CEP164: variants seen among roughly 807,000 people sequenced by gnomAD.
The protein encoded by CEP164 is centrosomal protein of 164 kDa.
CEP164 carries 162 observed loss-of-function variants against 182.7 expected under a neutral mutation model. The ratio of observed to expected loss-of-function variants is 0.89; its 90% confidence interval spans 0.78 to 1.01. The LOEUF (loss-of-function observed/expected upper bound fraction) is 1.01. Ranked by LOEUF, CEP164 falls within the 50% of genes least tolerant of loss-of-function variation. The pLI, the probability that CEP164 is intolerant of heterozygous loss-of-function variation, is 0.00. For missense variants in CEP164, 1,735 were observed against 1,790.4 expected, an observed-to-expected ratio of 0.97 and a Z score of 0.56; for synonymous variants, 661 against 690.0, an observed-to-expected ratio of 0.96 and a Z score of 0.66.
At chr11:117,391,237 C>T (rs1357593673) in intron 17 of CEP164, 22 bp downstream of exon 17, 12 of 1,586,918 alleles carry the variant, frequency 7.6e-6, no homozygotes, top group Non-Finnish European at 1.0e-5. Context: ...AAGTGGGGAC[C>T]TCACCCTCTG....
intron 12 of CEP164, 89 bp from the exon 13 acceptor site, chr11:117,381,612 G>A (rs1405068816): frequency 4.9e-5 from 70 of 1,422,150 alleles, no homozygotes; most frequent in Admixed American, 1.2e-4. Flanking sequence ...AGGAGGCAAT[G>A]ACCTAGGTCC....
intron 27 of CEP164, among the ~76,000 whole-genome samples, chr11:117,398,372 G>A (rs1421216433): frequency 6.6e-6 from 1 of 152,194 alleles, no homozygotes; most frequent in Non-Finnish European, 1.5e-5. Flanking sequence ...TTTTTGAGGT[G>A]CATAGTGCAA....
Position 117,371,368 on chromosome 11 carries a change from G to A in CEP164, c.1054G>A (p.Val352Ile), listed in dbSNP as rs1224263487. 2 of 1,614,240 alleles carry A rather than the reference G, an allele frequency of 1.2e-6. No homozygotes were observed. Among genetic ancestry groups the A allele is most frequent in the South Asian group, 1.1e-5 (1 of 91,084 alleles). ...TGAAAAGGAAGCACCAGAGGACACA[G>A]TAGATGCAGGAGAGGAGGGTTCCAG... ...ASEKEAPEDTVDAGEEGSRRE... is the reference protein window; with the variant it reads ...ASEKEAPEDTIDAGEEGSRRE... Residue 352 changes from valine to isoleucine, a missense_variant, in exon 9 of 33, where the codon GTA becomes ATA. Physicochemically the swap from Val to Ile is conservative, Grantham distance 29. Coordinates refer to ENST00000278935, the MANE Select transcript of CEP164 (RefSeq NM_014956.5).
intron 28 of CEP164, chr11:117,408,517 C>CT (rs1158505578): frequency 3.4e-6 from 1 of 291,046 alleles, no homozygotes; most frequent in Non-Finnish European, 6.6e-6. Context: ...ACTGTTGTCT[C>CT]TGTCTCAGGC....
At chr11:117,322,511 T>G (rs2035282301) in intron 1 of CEP164, among the ~76,000 whole-genome samples, 1 of 152,260 alleles carries the variant, frequency 6.6e-6, no homozygotes, top group East Asian at 1.9e-4. Context: ...TGTTAACCAT[T>G]GTCACCCTAC....
At chr11:117,387,061 G>A (rs955889635) in intron 14 of CEP164, 142 bp from the exon 15 acceptor site, 6 of 735,140 alleles carry the variant, frequency 8.2e-6, no homozygotes, top group Non-Finnish European at 1.4e-5. Context: ...CTCTTGGCCT[G>A]CCCTTGGGTG....
chr11:117,359,688 G>A (rs562025280), intron 5 of CEP164: 111 of 681,528 alleles, frequency 1.6e-4, no homozygotes, highest in Admixed American at 2.5e-4. Flanking sequence ...TTTGAGAAAT[G>A]AATTTTGAAG....
At chr11:117,358,787 G>A (rs2040598204) in intron 5 of CEP164, among the ~76,000 whole-genome samples, 1 of 151,950 alleles carries the variant, frequency 6.6e-6, no homozygotes, top group South Asian at 2.1e-4. Flanking sequence ...CTCCTGCCTT[G>A]GCTTCCGAAA....
At position 117,408,049 on chromosome 11, in the gene CEP164, A is replaced by C. The variant is rs757052268; in HGVS notation, c.3609+17A>C. 1 of 1,547,052 alleles carries C rather than the reference A, an allele frequency of 6.5e-7. No individual in the cohort carries two copies. The highest frequency in any genetic ancestry group is 8.8e-7 in the Non-Finnish European group (1 of 1,137,290). On this transcript the variant is annotated intron_variant, in intron 28 of 32. Transcript: ENST00000278935. ...TGGGAAGAGGTGCAGCCCCATGTCC[A>C]CATAGTCCAGTGGGCCCTGGCCTTC...
chr11:117,339,515 G>GTTTTTTTTTTTT (rs1199425322), intron 3 of CEP164, among the ~76,000 whole-genome samples: 1 of 90,870 alleles, frequency 1.1e-5, no homozygotes, highest in Non-Finnish European at 2.1e-5. Context: ...CTTTTCCTTT[G>GTTTTTTTTTTTT]TTTTTTGTTT....
Position 117,411,368 on chromosome 11 carries a change from G to A in CEP164, c.4164-427G>A, listed in dbSNP as rs889999691. The A allele has an allele frequency of 8.1e-6, 2 of 246,236 alleles. No homozygotes were observed. The highest frequency in any genetic ancestry group is 6.6e-5 in the South Asian group (1 of 15,236). 15.3% of individuals were successfully genotyped at this position (246,236 alleles called of 1,614,324 possible). On this transcript the variant is annotated intron_variant, in intron 31 of 32. Coordinates refer to ENST00000278935, the MANE Select transcript of CEP164 (RefSeq NM_014956.5). The surrounding 1 kb of genome is among the most constrained non-coding windows in gnomAD (Gnocchi z 4.4). ...GACAGACGGGCAATTATTTAAACCT[G>A]TTATTAATTTTCCATTCATCTCATT...
intron 15 of CEP164, among the ~76,000 whole-genome samples, chr11:117,388,245 C>T (rs551233729): frequency 2.0e-5 from 3 of 152,288 alleles, no homozygotes; most frequent in African/African-American, 4.8e-5. Context: ...ATCTCTCTCC[C>T]GAGGCCCCTG....
chr11:117,408,617 T>G, intron 28 of CEP164: 1 of 448,784 alleles, frequency 2.2e-6, no homozygotes, highest in Non-Finnish European at 4.1e-6. Flanking sequence ...CTGGTGGAAC[T>G]CTGGGCCCCA....
intron 3 of CEP164, among the ~76,000 whole-genome samples, chr11:117,340,551 T>C (rs1017583964): frequency 2.0e-5 from 3 of 152,310 alleles, no homozygotes; most frequent in African/African-American, 7.2e-5. Context: ...TATTTTTGTT[T>C]TTAGAGACAG....
At chr11:117,393,211 G>GCA (rs2044942023) in intron 20 of CEP164, 85 bp downstream of exon 20, 3 of 1,518,684 alleles carry the variant, frequency 2.0e-6, no homozygotes, top group South Asian at 2.4e-5. Context: ...ACACACACAT[G>GCA]CACGCACATG....
rs569420711 is a variant in CEP164, at chr11:117,411,388, C to G, written c.4164-407C>G. 7.9e-6 allele frequency: 2 copies of G among 253,678 alleles called. No individual in the cohort carries two copies. Among genetic ancestry groups the G allele is most frequent in the Admixed American group, 5.0e-5 (1 of 20,108 alleles). 15.7% of individuals were successfully genotyped at this position (253,678 alleles called of 1,614,324 possible). On this transcript the variant is annotated intron_variant, in intron 31 of 32. Transcript: ENST00000278935. This position sits in a 1 kb window ranked among gnomAD's most constrained non-coding sequence, Gnocchi z 4.4. ...AACCTGTTATTAATTTTCCATTCAT[C>G]TCATTCCTTGCCAAATGTTTTCCCC...
chr11:117,395,500 C>G, intron 23 of CEP164, 47 bp from the exon 24 acceptor site: 1 of 1,555,532 alleles, frequency 6.4e-7, no homozygotes, highest in Non-Finnish European at 8.7e-7. Flanking sequence ...TCCCTGGCTT[C>G]TCTCTGTGCT....
At chr11:117,350,007 T>C (rs1310287412) in intron 4 of CEP164, among the ~76,000 whole-genome samples, 1 of 152,076 alleles carries the variant, frequency 6.6e-6, no homozygotes, top group Admixed American at 6.6e-5. Context: ...ACTCCTGACC[T>C]CGTGATCTGC....
At chr11:117,387,138 A>C in intron 14 of CEP164, 65 bp from the exon 15 acceptor site, 1 of 1,413,542 alleles carries the variant, frequency 7.1e-7, no homozygotes, top group Non-Finnish European at 1.0e-6. Context: ...TATCCATTCT[A>C]ACCTGGATGC....
Sources: gnomAD v4.1 joint callset for allele counts (sites outside exome capture counted in the v4.1 genomes callset) on GRCh38, gnomAD v4.1.1 for gene constraint, Gnocchi (gnomAD v3.1) non-coding constraint, MANE v1.5 for transcripts, NCBI Gene and HGNC (gene_info 2026-07-23, HGNC 2026-07-21) for gene names.